The following MARCHF1 variants were observed in gnomAD, a reference collection of about 807,000 sequenced individuals.
MARCHF1 encodes E3 ubiquitin-protein ligase MARCHF1.
Under a neutral mutation model 54.2 loss-of-function variants are expected in MARCHF1, and 40 were observed. That is an observed-to-expected ratio of 0.74 (90% CI 0.57 to 0.96). The LOEUF is 0.96. Ranked by LOEUF, MARCHF1 falls within the 40% of genes least tolerant of loss-of-function variation. MARCHF1 has a pLI of 0.00. For synonymous variants in MARCHF1, 236 were observed against 236.3 expected, an observed-to-expected ratio of 1.00 and a Z score of 0.01; for missense variants, 586 against 656.5, an observed-to-expected ratio of 0.89 and a Z score of 1.17.
chr4:163,619,314 A>G (rs967852051), intron 5 of MARCHF1, among the ~76,000 whole-genome samples: 5 of 152,168 alleles, frequency 3.3e-5, no homozygotes, highest in African/African-American at 1.2e-4. Context: ...TTAGGATTCC[A>G]TATATCCAGG....
At chr4:164,324,980 A>G (rs543170047) in intron 1 of MARCHF1, among the ~76,000 whole-genome samples, 1 of 151,950 alleles carries the variant, frequency 6.6e-6, no homozygotes, top group Non-Finnish European at 1.5e-5. Context: ...ATTTCCAAGA[A>G]TAACCAAGAA....
chr4:164,116,984 G>A (rs371429650), intron 1 of MARCHF1, among the ~76,000 whole-genome samples: 8 of 152,030 alleles, frequency 5.3e-5, no homozygotes, highest in East Asian at 1.9e-4. Context: ...TAGGCTGGGC[G>A]TGCTGACTCA....
At chr4:164,257,700 G>A (rs1014015830) in intron 1 of MARCHF1, among the ~76,000 whole-genome samples, 2 of 152,076 alleles carry the variant, frequency 1.3e-5, no homozygotes, top group Non-Finnish European at 2.9e-5. Flanking sequence ...AGGCATGGCA[G>A]CTCACGCCTG....
intron 4 of MARCHF1, 106 bp downstream of exon 4, chr4:163,853,915 T>C: frequency 1.1e-6 from 1 of 936,750 alleles, no homozygotes; most frequent in Non-Finnish European, 1.5e-6. Context: ...ATGCAAATAC[T>C]GTTGTAAACA....
At chr4:164,311,237 C>T (rs1403975976) in intron 1 of MARCHF1, among the ~76,000 whole-genome samples, 3 of 151,866 alleles carry the variant, frequency 2.0e-5, no homozygotes, top group Admixed American at 6.6e-5. Context: ...TCATAATACC[C>T]GAGGTTTTCT....
At chr4:163,883,315 A>G (rs1026089729) in intron 3 of MARCHF1, among the ~76,000 whole-genome samples, 2 of 150,940 alleles carry the variant, frequency 1.3e-5, no homozygotes, top group African/African-American at 2.4e-5. Flanking sequence ...TTGTTGATCC[A>G]TATTAAACAA....
intron 1 of MARCHF1, among the ~76,000 whole-genome samples, chr4:164,381,700 GC>G (rs1324434985): frequency 2.0e-5 from 3 of 152,264 alleles, no homozygotes; most frequent in Admixed American, 2.0e-4. Flanking sequence ...CATCATGTAA[GC>G]ACGTCAGAAG....
At chr4:163,956,757 T>C (rs1236250048) in intron 3 of MARCHF1, among the ~76,000 whole-genome samples, 1 of 152,064 alleles carries the variant, frequency 6.6e-6, no homozygotes, top group Non-Finnish European at 1.5e-5. Context: ...CTTTCAATAT[T>C]AAATATCTGC....
At chr4:163,734,555 G>GAAAAAAAAAAAAAAAAAAAAAAAAA (rs34496158) in intron 4 of MARCHF1, among the ~76,000 whole-genome samples, 1 of 148,442 alleles carries the variant, frequency 6.7e-6, no homozygotes, top group Non-Finnish European at 1.5e-5. Context: ...ACCAAAAAAA[G>GAAAAAAAAAAAAAAAAAAAAAAAAA]AAAAAAAAGC....
intron 4 of MARCHF1, among the ~76,000 whole-genome samples, chr4:163,767,116 A>G (rs941166860): frequency 1.3e-5 from 2 of 151,562 alleles, no homozygotes; most frequent in South Asian, 4.2e-4. Context: ...AAAAAAAAAA[A>G]AAAAGTCTTA....
At chr4:164,110,825 A>G (rs1755819633) in intron 2 of MARCHF1, among the ~76,000 whole-genome samples, 1 of 151,756 alleles carries the variant, frequency 6.6e-6, no homozygotes, top group South Asian at 2.1e-4. Flanking sequence ...TTTTATCTCA[A>G]TATCAGAAAG....
intron 9 of MARCHF1, among the ~76,000 whole-genome samples, chr4:163,535,213 G>T (rs906719877): frequency 6.6e-6 from 1 of 151,886 alleles, no homozygotes; most frequent in East Asian, 1.9e-4. Flanking sequence ...ATTGAGGGGG[G>T]TATATAAAAG....
intron 2 of MARCHF1, among the ~76,000 whole-genome samples, chr4:164,083,084 T>C (rs1755131689): frequency 6.6e-6 from 1 of 152,156 alleles, no homozygotes; most frequent in Non-Finnish European, 1.5e-5. Context: ...CCACTCTTCA[T>C]TTCTTTCCCT....
intron 4 of MARCHF1, among the ~76,000 whole-genome samples, chr4:163,704,081 A>G (rs1744881805): frequency 6.6e-6 from 1 of 151,822 alleles, no homozygotes. Context: ...ACTGAGGGAC[A>G]TAATAAAGCT....
chr4:163,722,817 G>A (rs1451212791), intron 4 of MARCHF1, among the ~76,000 whole-genome samples: 1 of 152,138 alleles, frequency 6.6e-6, no homozygotes, highest in Admixed American at 6.5e-5. Context: ...TTGGTTTAAA[G>A]TATGTTTTAT....
chr4:164,203,709 A>G (rs1002281222), intron 1 of MARCHF1, among the ~76,000 whole-genome samples: 14 of 152,214 alleles, frequency 9.2e-5, no homozygotes, highest in Non-Finnish European at 1.9e-4. Flanking sequence ...GACATATAAT[A>G]TATCCGTCAC....
intron 1 of MARCHF1, among the ~76,000 whole-genome samples, chr4:164,314,116 G>C (rs1734937329): frequency 6.6e-6 from 1 of 152,164 alleles, no homozygotes. Context: ...TGCCCATTCA[G>C]CATGTTCTGC....
At chr4:163,932,698 T>C in intron 3 of MARCHF1, 1 of 514,988 alleles carries the variant, frequency 1.9e-6, no homozygotes, top group Non-Finnish European at 3.8e-6. Context: ...ACCTGCAGGG[T>C]CATCTTAAAC....
At chr4:163,994,738 CAT>C (rs1481486990) in intron 2 of MARCHF1, among the ~76,000 whole-genome samples, 10 of 66,430 alleles carry the variant, frequency 1.5e-4, no homozygotes, top group African/African-American at 4.8e-4. Context: ...ATCAAGCACA[CAT>C]ACACACACAC....
Sources: allele counts gnomAD v4.1 joint callset (sites outside exome capture counted in the v4.1 genomes callset), GRCh38; gene constraint gnomAD v4.1.1; transcripts MANE v1.5; gene names NCBI Gene and HGNC (gene_info 2026-07-23, HGNC 2026-07-21).